IRF2: variants seen among roughly 807,000 people sequenced by gnomAD.
IRF2 encodes the protein interferon regulatory factor 2.
IRF2 carries 15 observed loss-of-function variants against 40.6 expected under a neutral mutation model. That is an observed-to-expected ratio of 0.37 (90% CI 0.25 to 0.57). IRF2 has a LOEUF of 0.57. Ranked by LOEUF, IRF2 falls within the 20% of genes least tolerant of loss-of-function variation. The pLI is 0.77. For synonymous variants in IRF2, 151 were observed against 165.5 expected (o/e 0.91, Z 0.67); for missense variants, 317 against 455.7 (o/e 0.70, Z 2.77).
In IRF2 at chr4:184,390,769, C is replaced by T. The variant is rs1463826503; in HGVS notation, c.695-20G>A. 2 of 1,613,668 alleles carry T rather than the reference C, an allele frequency of 1.2e-6. No homozygotes were observed. Among genetic ancestry groups the T allele is most frequent in the East Asian group, 4.5e-5 (2 of 44,856 alleles). On this transcript the variant is annotated intron_variant, in intron 7 of 8. Coordinates refer to ENST00000393593, the MANE Select transcript of IRF2 (RefSeq NM_002199.4). ...CGCTTTCTGTTCACAGAGAGAAAAA[C>T]ACAGGGCCATCATTCCTGTCCCTCA...
chr4:184,414,270 C>T (rs890559049), intron 5 of IRF2, among the ~76,000 whole-genome samples: 3 of 152,210 alleles, frequency 2.0e-5, no homozygotes, highest in African/African-American at 4.8e-5. Context: ...CAGAGCAAAC[C>T]GTTCCATGAT....
chr4:184,390,536 C>A (rs1176861369), intron 8 of IRF2, among the ~76,000 whole-genome samples, 167 bp downstream of exon 8: 1 of 152,174 alleles, frequency 6.6e-6, no homozygotes, highest in African/African-American at 2.4e-5. Context: ...AACCCCAAAC[C>A]CAAAAGTATG....
intron 6 of IRF2, among the ~76,000 whole-genome samples, chr4:184,406,851 A>G (rs1344397927): frequency 2.0e-5 from 3 of 152,184 alleles, no homozygotes; most frequent in African/African-American, 7.2e-5. Context: ...ATAGATAAAG[A>G]CAGGCAAGTT....
At chr4:184,425,990 GT>G (rs1561103998) in intron 2 of IRF2, among the ~76,000 whole-genome samples, 1 of 119,816 alleles carries the variant, frequency 8.3e-6, no homozygotes, top group Non-Finnish European at 1.8e-5. Flanking sequence ...TTGTTTGTTT[GT>G]TTGTTTGTTT....
At chr4:184,441,384 C>A (rs146479870) in intron 1 of IRF2, among the ~76,000 whole-genome samples, 3 of 152,308 alleles carry the variant, frequency 2.0e-5, no homozygotes, top group African/African-American at 7.2e-5. Context: ...GTTTCCCGGC[C>A]GGTTCTAATC....
At chr4:184,435,832 G>A in intron 1 of IRF2, among the ~76,000 whole-genome samples, 1 of 152,160 alleles carries the variant, frequency 6.6e-6, no homozygotes, top group East Asian at 1.9e-4. Context: ...AAAGGCTGAA[G>A]CCCAGCTTTG....
chr4:184,398,900 C>A lies in IRF2; in HGVS notation c.694+15G>T, dbSNP rs748308993. ...CCGGTTCCCACGCCTCCCGGAGCCT[C>A]CCGCTGACGCTTACCTGCATAGGAA... On this transcript the variant is annotated intron_variant, in intron 7 of 8. Transcript: ENST00000393593. The A allele has an allele frequency of 1.3e-6, 2 of 1,575,174 alleles. No individual in the cohort carries two copies. The highest frequency in any genetic ancestry group is 2.3e-5 in the East Asian group (1 of 44,202).
At chr4:184,391,946 A>T (rs2149890444) in intron 7 of IRF2, among the ~76,000 whole-genome samples, 1 of 152,356 alleles carries the variant, frequency 6.6e-6, no homozygotes, top group Non-Finnish European at 1.5e-5. Flanking sequence ...AGGCCTAGCA[A>T]GGGCCTGGCA....
chr4:184,454,137 G>A (rs3756099), intron 1 of IRF2, among the ~76,000 whole-genome samples: 68,336 of 152,036 alleles, frequency 0.45, 16,453 homozygotes, highest in East Asian at 0.62. Flanking sequence ...CTGGATGAGA[G>A]TAAATGATTT....
In IRF2 at chr4:184,408,426, C is replaced by A; in HGVS notation, c.412-151G>T. 1 of 657,614 alleles carries A rather than the reference C, an allele frequency of 1.5e-6. No homozygotes were observed. The allele number at this position is 657,614 out of a possible 1,614,324, so 40.7% of individuals were successfully genotyped here. On this transcript the variant is annotated intron_variant, in intron 5 of 8. Transcript: ENST00000393593. The surrounding 1 kb of genome is among the most constrained non-coding windows in gnomAD (Gnocchi z 4.9). The stretch of plus-strand genomic sequence containing the variant: ...TTCATCCCCTGCTTCTTTAAACTGG[C>A]CTGTTTTAAAGCACATTTCTGCCCA...
rs905081357 is a variant in IRF2 at position 184,399,173 on chromosome 4, C to T, written c.530-94G>A. 26 of 1,305,130 alleles carry T rather than the reference C, an allele frequency of 2.0e-5. No homozygotes were observed. In the African/African-American group the frequency reaches 3.0e-4, roughly 15 times the overall value. The allele number at this position is 1,305,130 out of a possible 1,614,324, so 80.8% of individuals were successfully genotyped here. ...AGAGTCTTCCCCAAAAGAGCCAGGT[C>T]GCCAGGCTCCCATCACCATCTGTCC... is the stretch of plus-strand genomic sequence containing the variant. On this transcript the variant is annotated intron_variant, in intron 6 of 8. Coordinates refer to ENST00000393593, the MANE Select transcript of IRF2 (RefSeq NM_002199.4).
rs1010260034 is a variant in IRF2, at chr4:184,455,410, G to A, written c.-7+18969C>T. Among the ~76,000 whole-genome samples the A allele has an allele frequency of 4.5e-4, 63 of 141,484 alleles. 1 individual carries two copies. Among genetic ancestry groups the A allele is most frequent in the Non-Finnish European group, 3.3e-4 (22 of 66,498 alleles). 92.8% of individuals were successfully genotyped at this position (141,484 alleles called of 152,430 possible). A position where few individuals can be genotyped will look rare whatever the true frequency, so the allele number is the denominator to read the frequency against. ...TCCTCCCATCTCAGCCTCCCAAAGC[G>A]CTGGGATTACAGGCATGAGCCACCG... On this transcript the variant is annotated intron_variant, in intron 1 of 8. Transcript: ENST00000393593.
chr4:184,450,932 T>C (rs559917095), intron 1 of IRF2, among the ~76,000 whole-genome samples: 24 of 152,292 alleles, frequency 1.6e-4, no homozygotes, highest in South Asian at 1.0e-3. Flanking sequence ...CCATTTCACA[T>C]GCCCTCCTCC....
intron 8 of IRF2, 105 bp from the exon 9 acceptor site, chr4:184,389,171 G>C (rs1736161036): frequency 1.8e-6 from 2 of 1,133,856 alleles, no homozygotes; most frequent in African/African-American, 3.1e-5. Flanking sequence ...TGTAATCCCA[G>C]CACTTTGGGA....
chr4:184,394,189 T>G (rs1213469250), intron 7 of IRF2, among the ~76,000 whole-genome samples: 1 of 151,818 alleles, frequency 6.6e-6, no homozygotes, highest in Non-Finnish European at 1.5e-5. Flanking sequence ...CTTTCTGGTC[T>G]CAGTTTTCCT....
chr4:184,401,475 T>C (rs1475172477), intron 6 of IRF2, among the ~76,000 whole-genome samples: 2 of 152,030 alleles, frequency 1.3e-5, no homozygotes, highest in Non-Finnish European at 2.9e-5. Context: ...GGGATAAAAT[T>C]AAAGAAAAGG....
intron 1 of IRF2, among the ~76,000 whole-genome samples, chr4:184,442,795 C>T (rs58976078): frequency 0.3 from 45,614 of 150,588 alleles, 7,427 homozygotes; most frequent in South Asian, 0.45. Context: ...AAACTCCTTT[C>T]TCCAACCTAC....
At chr4:184,435,639 C>A (rs1185017043) in intron 1 of IRF2, among the ~76,000 whole-genome samples, 1 of 152,192 alleles carries the variant, frequency 6.6e-6, no homozygotes, top group Non-Finnish European at 1.5e-5. Flanking sequence ...GTCGTCCTAG[C>A]GCAGGGACAG....
chr4:184,392,749 A>C (rs1401289520), intron 7 of IRF2, among the ~76,000 whole-genome samples: 1 of 152,192 alleles, frequency 6.6e-6, no homozygotes, highest in Non-Finnish European at 1.5e-5. Context: ...AAGGAAAGTA[A>C]GAATGTGGAC....
Sources: allele counts gnomAD v4.1 joint callset (sites outside exome capture counted in the v4.1 genomes callset), GRCh38; gene constraint gnomAD v4.1.1; non-coding constraint Gnocchi (gnomAD v3.1); transcripts MANE v1.5; gene names NCBI Gene and HGNC (gene_info 2026-07-23, HGNC 2026-07-21).